The following GRID2 variants were observed in gnomAD, a reference collection of about 807,000 sequenced individuals.
GRID2 encodes the protein glutamate ionotropic receptor delta type subunit 2.
A neutral mutation model predicts 114.8 loss-of-function variants in GRID2; 33 were observed. The ratio of observed to expected loss-of-function variants is 0.29; its 90% CI spans 0.22 to 0.38. GRID2 has a LOEUF of 0.38. GRID2 is among the 10% of genes least tolerant of loss of function. The probability of loss-of-function intolerance (pLI) is 1.00; values close to 1 mark genes in which losing one functional copy is unlikely to be tolerated. For synonymous variants in GRID2, 505 were observed against 449.9 expected, an observed-to-expected ratio of 1.12 and a Z score of -1.55; for missense variants, 1,184 against 1,257.7, an observed-to-expected ratio of 0.94 and a Z score of 0.89.
chr4:93,241,605 T>G (rs1747520635), intron 8 of GRID2, among the ~76,000 whole-genome samples: 1 of 151,880 alleles, frequency 6.6e-6, no homozygotes, highest in Non-Finnish European at 1.5e-5. Flanking sequence ...TACTTATGAC[T>G]GAGGTTGCCT....
At chr4:92,834,060 A>T (rs1228322290) in intron 2 of GRID2, 1 of 152,212 alleles carries the variant, frequency 6.6e-6, no homozygotes, top group Admixed American at 6.5e-5. Flanking sequence ...GTCAGTTATG[A>T]TAGAGTAATA....
intron 12 of GRID2, among the ~76,000 whole-genome samples, chr4:93,498,527 A>T (rs1374076850): frequency 6.6e-6 from 1 of 151,866 alleles, no homozygotes; most frequent in Non-Finnish European, 1.5e-5. Flanking sequence ...AGGATATAGA[A>T]ATACAATTGT....
At position 93,500,726 on chromosome 4, in the gene GRID2, C is replaced by G. The variant is rs936647027; in HGVS notation, c.1997+9949C>G. ...AAGAATGATTCACTCTGTTATCTCA[C>G]CTTAGCTAGTGACTAACTAGCACTG... On this transcript the variant is annotated intron_variant, in intron 12 of 15. Coordinates refer to ENST00000282020, the MANE Select transcript of GRID2 (RefSeq NM_001510.4). 6.6e-5 allele frequency among the ~76,000 whole-genome samples: 10 copies of G among 152,076 alleles called. No individual in the cohort carries two copies. In the East Asian group the frequency reaches 1.9e-3, roughly 30 times the overall value.
chr4:93,145,431 TTTTA>T (rs993101197), intron 4 of GRID2, among the ~76,000 whole-genome samples: 27 of 150,640 alleles, frequency 1.8e-4, no homozygotes, highest in African/African-American at 4.6e-4. Context: ...TTTAATTATT[TTTTA>T]TTTATTTATT....
chr4:92,903,118 G>T (rs2149482455), intron 2 of GRID2, among the ~76,000 whole-genome samples: 1 of 151,636 alleles, frequency 6.6e-6, no homozygotes, highest in Non-Finnish European at 1.5e-5. Context: ...AATGGGAATT[G>T]CATTGAATCA....
At chr4:93,611,421 G>C (rs1484715130) in intron 13 of GRID2, among the ~76,000 whole-genome samples, 1 of 106,048 alleles carries the variant, frequency 9.4e-6, no homozygotes, top group African/African-American at 4.3e-5. Context: ...TGTCAATTTT[G>C]GATCTTTCCT....
chr4:92,909,192 A>T (rs1280325118), intron 2 of GRID2, among the ~76,000 whole-genome samples: 1 of 151,850 alleles, frequency 6.6e-6, no homozygotes, highest in Non-Finnish European at 1.5e-5. Context: ...GAATTCAGAT[A>T]AAAAGTTTAC....
chr4:92,381,175 C>G (rs184404282), intron 1 of GRID2, among the ~76,000 whole-genome samples: 1 of 151,708 alleles, frequency 6.6e-6, no homozygotes. Context: ...TATTATTATC[C>G]CCATGTGTAG....
intron 2 of GRID2, among the ~76,000 whole-genome samples, chr4:92,739,252 TTAAA>T (rs1165610695): frequency 2.0e-5 from 3 of 152,190 alleles, no homozygotes; most frequent in Admixed American, 2.0e-4. Flanking sequence ...TTTGTGTCAT[TTAAA>T]TAATTTAACT....
In GRID2 at chr4:92,472,897, T is replaced by C. The variant is rs184869276; in HGVS notation, c.89-117234T>C. ...CTGACCTTAACAGTGTTTTTCAAAGTAGAAATTCTTAATTTTGATGAAGTC... is the reference window on the plus strand; with the variant it reads ...CTGACCTTAACAGTGTTTTTCAAAGCAGAAATTCTTAATTTTGATGAAGTC... On this transcript the variant is annotated intron_variant, in intron 1 of 15. Transcript: ENST00000282020. 2.6e-5 allele frequency among the ~76,000 whole-genome samples: 4 copies of C among 152,242 alleles called. No individual in the cohort carries two copies. The East Asian group carries it at 7.7e-4, about 29-fold the overall frequency.
intron 2 of GRID2, among the ~76,000 whole-genome samples, chr4:92,943,300 C>T (rs1396159575): frequency 6.6e-6 from 1 of 152,080 alleles, no homozygotes; most frequent in African/African-American, 2.4e-5. Context: ...AACTTCTCTT[C>T]TCACTTCATT....
intron 4 of GRID2, among the ~76,000 whole-genome samples, chr4:93,133,721 T>G (rs1735000092): frequency 6.6e-6 from 1 of 152,076 alleles, no homozygotes; most frequent in East Asian, 1.9e-4. Flanking sequence ...GTGTCCTATT[T>G]CCCCTAATTA....
chr4:92,857,313 A>G (rs1465982022), intron 2 of GRID2, among the ~76,000 whole-genome samples: 1 of 151,876 alleles, frequency 6.6e-6, no homozygotes, highest in Non-Finnish European at 1.5e-5. Context: ...TGAAAGCCAA[A>G]ATAGGCTGAA....
chr4:92,672,111 A>G (rs754748145), intron 2 of GRID2, among the ~76,000 whole-genome samples: 1 of 152,198 alleles, frequency 6.6e-6, no homozygotes, highest in Non-Finnish European at 1.5e-5. Flanking sequence ...TGTTTTTATC[A>G]TAGGAAATTT....
chr4:93,305,465 T>A (rs1755320288), intron 8 of GRID2, among the ~76,000 whole-genome samples: 1 of 152,138 alleles, frequency 6.6e-6, no homozygotes, highest in Admixed American at 6.5e-5. Flanking sequence ...AAGGGACAAC[T>A]TTGGCTGATG....
chr4:92,418,179 A>G (rs537974967), intron 1 of GRID2, among the ~76,000 whole-genome samples: 1 of 152,224 alleles, frequency 6.6e-6, no homozygotes, highest in Admixed American at 6.6e-5. Context: ...AGAAGCAGTG[A>G]CTGAGTTGAA....
At chr4:92,703,645 A>G (rs1184727911) in intron 2 of GRID2, among the ~76,000 whole-genome samples, 4 of 146,428 alleles carry the variant, frequency 2.7e-5, no homozygotes, top group Admixed American at 1.4e-4. Flanking sequence ...ATATATATAT[A>G]AAATCATGAG....
chr4:93,455,701 G>T lies in GRID2; in HGVS notation c.1585G>T (p.Asp529Tyr). The change falls in exon 11 of 16, where the codon GAT becomes TAT. Residue 529 changes from aspartate to tyrosine, a missense_variant. Coordinates refer to ENST00000282020, the MANE Select transcript of GRID2 (RefSeq NM_001510.4). ...GATTTCTGCTTTAACCATCACTCCA[G>T]ATCGTGAAAATGTGGTGGACTTTAC... ...IGISALTITP[D>Y]RENVVDFTTR... 1 of 1,613,216 alleles carries T rather than the reference G, an allele frequency of 6.2e-7. No individual in the cohort carries two copies. Among genetic ancestry groups the T allele is most frequent in the Non-Finnish European group, 8.5e-7 (1 of 1,179,276 alleles).
intron 4 of GRID2, among the ~76,000 whole-genome samples, chr4:93,169,420 A>G (rs906532592): frequency 6.6e-6 from 1 of 152,192 alleles, no homozygotes; most frequent in Non-Finnish European, 1.5e-5. Context: ...CAAGATTTTA[A>G]TGTCCAGTGA....
Sources: allele counts gnomAD v4.1 joint callset (sites outside exome capture counted in the v4.1 genomes callset), GRCh38; gene constraint gnomAD v4.1.1; transcripts MANE v1.5; gene names NCBI Gene and HGNC (gene_info 2026-07-23, HGNC 2026-07-21).